Variants in SMAD9 observed in about 807,000 individuals in gnomAD.
The protein encoded by SMAD9 is MAD homolog 9.
In SMAD9, 36 loss-of-function variants were observed where a neutral mutation model predicts 46.1. That is an observed-to-expected ratio of 0.78 (90% confidence interval 0.60 to 1.03). The LOEUF is 1.03. SMAD9 is among the 50% of genes least tolerant of loss of function. The pLI is 0.00. For missense variants in SMAD9, 572 were observed against 599.8 expected, an observed-to-expected ratio of 0.95 and a Z score of 0.48; for synonymous variants, 245 against 237.1, an observed-to-expected ratio of 1.03 and a Z score of -0.31.
At chr13:36,900,714 C>CACAG (rs1315428626) in intron 1 of SMAD9, among the ~76,000 whole-genome samples, 1 of 148,166 alleles carries the variant, frequency 6.7e-6, no homozygotes, top group African/African-American at 2.6e-5. Context: ...CACACACACA[C>CACAG]ACACACACAC....
intron 5 of SMAD9, among the ~76,000 whole-genome samples, chr13:36,856,611 G>GC (rs1387511954): frequency 1.3e-5 from 2 of 152,264 alleles, no homozygotes; most frequent in African/African-American, 4.8e-5. Flanking sequence ...AGTCAAGTAG[G>GC]CCAACAATGT....
At chr13:36,849,924 C>T (rs554403411) in intron 6 of SMAD9, 3 of 152,284 alleles carry the variant, frequency 2.0e-5, no homozygotes, top group South Asian at 2.1e-4. Context: ...TATGAACACA[C>T]TGAAATGTCT....
At chr13:36,915,378 C>T (rs2058690851) in intron 1 of SMAD9, among the ~76,000 whole-genome samples, 2 of 152,140 alleles carry the variant, frequency 1.3e-5, no homozygotes, top group African/African-American at 4.8e-5. Context: ...CCAAACTCTC[C>T]TCGGGACTGA....
chr13:36,885,335 T>C (rs2058436070), intron 1 of SMAD9, among the ~76,000 whole-genome samples: 1 of 152,120 alleles, frequency 6.6e-6, no homozygotes, highest in African/African-American at 2.4e-5. Context: ...TTGGCACACA[T>C]ATATCATGTC....
intron 1 of SMAD9, among the ~76,000 whole-genome samples, chr13:36,903,055 A>G (rs1032613859): frequency 6.6e-6 from 1 of 151,720 alleles, no homozygotes; most frequent in Non-Finnish European, 1.5e-5. Flanking sequence ...AGGAGTTTAC[A>G]TGGCAGGGAG....
intron 2 of SMAD9, among the ~76,000 whole-genome samples, chr13:36,873,324 T>C (rs547354813): frequency 1.3e-5 from 2 of 152,256 alleles, no homozygotes; most frequent in African/African-American, 4.8e-5. Context: ...GCCAAATAAG[T>C]CTTTTTTTCC....
intron 5 of SMAD9, among the ~76,000 whole-genome samples, chr13:36,854,372 A>ATT (rs879577105): frequency 6.9e-6 from 1 of 145,416 alleles, no homozygotes. Context: ...CACAAATTTT[A>ATT]TTTTTTTTTT....
chr13:36,916,070 A>G (rs1329279074), intron 1 of SMAD9, among the ~76,000 whole-genome samples: 2 of 152,250 alleles, frequency 1.3e-5, no homozygotes, highest in African/African-American at 2.4e-5. Context: ...GACGAGGCTG[A>G]TAACAAGACC....
chr13:36,899,565 CG>C (rs1566036765), intron 1 of SMAD9, among the ~76,000 whole-genome samples: 1 of 152,054 alleles, frequency 6.6e-6, no homozygotes, highest in Non-Finnish European at 1.5e-5. Context: ...TAAATGAAGT[CG>C]GGGGTAACAC....
At chr13:36,881,785 T>A (rs1388180405) in intron 1 of SMAD9, among the ~76,000 whole-genome samples, 2 of 152,220 alleles carry the variant, frequency 1.3e-5, no homozygotes, top group African/African-American at 2.4e-5. Flanking sequence ...CTTAATCTAG[T>A]CAGGCTGCCT....
chr13:36,870,063 GT>G (rs2058275986), intron 3 of SMAD9, among the ~76,000 whole-genome samples: 1 of 152,126 alleles, frequency 6.6e-6, no homozygotes, highest in East Asian at 1.9e-4. Flanking sequence ...GCATTTTGCT[GT>G]TAATCATTCA....
chr13:36,851,597 C>T (rs561045370), intron 6 of SMAD9: 2 of 265,868 alleles, frequency 7.5e-6, no homozygotes, highest in Non-Finnish European at 1.2e-5. Context: ...CTGGCCTGCA[C>T]ATGGCAGGTG....
chr13:36,853,536 G>A lies in SMAD9; in HGVS notation c.1143C>T (p.Ser381=). The A allele has an allele frequency of 6.2e-7, 1 of 1,614,182 alleles. No individual in the cohort carries two copies. Among genetic ancestry groups the A allele is most frequent in the Non-Finnish European group, 8.5e-7 (1 of 1,180,042 alleles). Residue 381 remains serine (S), a synonymous_variant, in exon 6 of 7, where the codon AGC becomes AGT. Coordinates refer to ENST00000379826, the MANE Select transcript of SMAD9 (RefSeq NM_001127217.3). ...AGAGCTGGTTGTTGAAGACCTTGAGGCTGCAGCCGCTGGGGATCTTGCAGA... is the reference window on the plus strand; with the variant it reads ...AGAGCTGGTTGTTGAAGACCTTGAGACTGCAGCCGCTGGGGATCTTGCAGA... ...ATVCKIPSGC[S]LKVFNNQLFA...
chr13:36,860,700 G>A (rs964242920), intron 5 of SMAD9, among the ~76,000 whole-genome samples: 5 of 151,940 alleles, frequency 3.3e-5, no homozygotes, highest in South Asian at 2.1e-4. Flanking sequence ...TGATCCACCC[G>A]CCTCGTCCTC....
At chr13:36,904,256 T>C (rs2058600937) in intron 1 of SMAD9, among the ~76,000 whole-genome samples, 1 of 152,192 alleles carries the variant, frequency 6.6e-6, no homozygotes, top group Non-Finnish European at 1.5e-5. Flanking sequence ...TCAATGTAAC[T>C]TGGCAGGCAG....
chr13:36,916,799 G>C (rs558548815), intron 1 of SMAD9, among the ~76,000 whole-genome samples: 1 of 151,622 alleles, frequency 6.6e-6, no homozygotes, highest in South Asian at 2.1e-4. Context: ...GGTCATCACA[G>C]AAAGTCCCGT....
chr13:36,855,206 G>A (rs1345283056), intron 5 of SMAD9, among the ~76,000 whole-genome samples: 5 of 133,912 alleles, frequency 3.7e-5, no homozygotes, highest in African/African-American at 5.8e-5. Flanking sequence ...CGAAGATCAC[G>A]CCACTACTGC....
chr13:36,869,480 C>T (rs1052308720), intron 3 of SMAD9, among the ~76,000 whole-genome samples: 1 of 152,068 alleles, frequency 6.6e-6, no homozygotes, highest in African/African-American at 2.4e-5. Context: ...CCTAAGCCTC[C>T]CAAAGTGCTG....
At chr13:36,854,155 T>C (rs1343424808) in intron 5 of SMAD9, among the ~76,000 whole-genome samples, 1 of 151,758 alleles carries the variant, frequency 6.6e-6, no homozygotes, top group Non-Finnish European at 1.5e-5. Context: ...CAAGATGTCA[T>C]CTCAAAAAAA....
Sources: allele counts gnomAD v4.1 joint callset (sites outside exome capture counted in the v4.1 genomes callset), GRCh38; gene constraint gnomAD v4.1.1; transcripts MANE v1.5; gene names NCBI Gene and HGNC (gene_info 2026-07-23, HGNC 2026-07-21).